The following MRGPRX1 variants were observed in gnomAD, a reference collection of about 807,000 sequenced individuals.
The protein encoded by MRGPRX1 is MAS related GPR family member X1, also known as mas-related G protein-coupled receptor member X1.
For synonymous variants in MRGPRX1, 208 were observed against 170.4 expected (o/e 1.22, Z -1.72); for missense variants, 411 against 393.8 (o/e 1.04, Z -0.37).
chr11:18,934,635 C>T lies in MRGPRX1; in HGVS notation c.150G>A (p.Trp50Ter). Residue 50 changes from tryptophan (W) to a stop codon, truncating the protein, a stop_gained, in exon 2 of 2, where the codon TGG becomes TGA. Coordinates refer to ENST00000526914, the MANE Select transcript of MRGPRX1 (RefSeq NM_001393578.1). LOFTEE classifies it low-confidence loss of function (END_TRUNC). ...VGLTGNAVVL[W>*]LLGCRMRRNA... ...TCCTGCGCATGCGGCAGCCCAGGAGCCAGAGCACAACTGCGTTTCCTGTCA... is the reference window on the plus strand; with the variant it reads ...TCCTGCGCATGCGGCAGCCCAGGAGTCAGAGCACAACTGCGTTTCCTGTCA... The T allele has an allele frequency of 4.3e-6, 7 of 1,610,744 alleles. No homozygotes were observed. Among genetic ancestry groups the T allele is most frequent in the Non-Finnish European group, 5.9e-6 (7 of 1,178,120 alleles).
intron 1 of MRGPRX1, among the ~76,000 whole-genome samples, chr11:18,937,369 A>G (rs11024886): frequency 0.37 from 54,399 of 148,640 alleles, 8,800 homozygotes; most frequent in South Asian, 0.41. Flanking sequence ...TCATTTCTGG[A>G]TATTCACAGG....
Position 18,934,296 on chromosome 11 carries a change from G to C in MRGPRX1, c.489C>G (p.Phe163Leu). 1 of 1,610,642 alleles carries C rather than the reference G, an allele frequency of 6.2e-7. No individual in the cohort carries two copies. Reference sequence around the variant, plus strand: ...AAGCAGAATCAGCACCACTGAACAGGAAGCCACATAACATCCACTCCAGGA... The same window carrying C: ...AAGCAGAATCAGCACCACTGAACAGCAAGCCACATAACATCCACTCCAGGA... ...RSILEWMLCG[F>L]LFSGADSAWC... Residue 163 changes from phenylalanine to leucine, a missense_variant, in exon 2 of 2, where the codon TTC becomes TTG. Phe to Leu is a conservative substitution (Grantham distance 22). Transcript: ENST00000526914.
chr11:18,934,046 C>A lies in MRGPRX1; in HGVS notation c.739G>T (p.Glu247Ter). 2.5e-6 allele frequency: 4 copies of A among 1,610,906 alleles called. No individual in the cohort carries two copies. In the Middle Eastern group the frequency reaches 6.6e-4, roughly 266 times the overall value. ...FLFLWIHVDR[E>*]VLFCHVHLVS... The stretch of plus-strand genomic sequence containing the variant: ...AGATGAACATGACAAAATAAGACTT[C>A]CCTGTCCACGTGGATCCATAAAAAT... Residue 247 changes from glutamate (E) to a stop codon, truncating the protein, a stop_gained, in exon 2 of 2, where the codon GAA (glutamate) becomes TAA (stop). Transcript: ENST00000526914. LOFTEE classifies it low-confidence loss of function (END_TRUNC).
Position 18,935,161 on chromosome 11 carries a change from G to T in MRGPRX1, c.-25-352C>A, listed in dbSNP as rs189930419. The T allele has an allele frequency of 1.3e-3, 265 of 199,496 alleles. 4 individuals carry two copies. The highest frequency in any genetic ancestry group is 5.9e-3 in the African/African-American group (256 of 43,204). The allele number at this position is 199,496 out of a possible 1,614,324, so 12.4% of individuals were successfully genotyped here. ...AATTCAGGTATGCAAAGAGGTGGTT[G>T]TGACACCCTCATGACCAGGACTGAT... On this transcript the variant is annotated intron_variant, in intron 1 of 1. Transcript: ENST00000526914.
Position 18,934,358 on chromosome 11 carries a change from A to G in MRGPRX1, c.427T>C (p.Cys143Arg), listed in dbSNP as rs1193204740. The change falls in exon 2 of 2, where the codon TGT (cysteine) becomes CGT (arginine). Residue 143 changes from cysteine to arginine, a missense_variant. Cys to Arg is a radical substitution (Grantham distance 180, BLOSUM62 -3). Transcript: ENST00000526914. Reference sequence around the variant, plus strand: ...AGGGACAGGGCCCAGAGCAGGACACACACCACCGCTGACAGGTGTGTGGGG... The same window carrying G: ...AGGGACAGGGCCCAGAGCAGGACACGCACCACCGCTGACAGGTGTGTGGGG... ...HRPTHLSAVV[C>R]VLLWALSLLR... 1.2e-6 allele frequency: 2 copies of G among 1,610,704 alleles called. No individual in the cohort carries two copies. The highest frequency in any genetic ancestry group is 3.4e-5 in the Admixed American group (2 of 59,414).
rs1432455829 is a variant in MRGPRX1 at position 18,934,826 on chromosome 11, G to T, written c.-25-17C>A. The T allele has an allele frequency of 6.6e-7, 1 of 1,525,556 alleles. No individual in the cohort carries two copies. Among genetic ancestry groups the T allele is most frequent in the Admixed American group, 2.1e-5 (1 of 47,148 alleles). 94.5% of individuals were successfully genotyped at this position (1,525,556 alleles called of 1,614,324 possible). A position where few individuals can be genotyped will look rare whatever the true frequency, so the allele number is the denominator to read the frequency against. ...CTGGTGACCCTGGAAACAGAAACCAGTTGTGATCACCAGCTGTATGATCTC... is the reference window on the plus strand; with the variant it reads ...CTGGTGACCCTGGAAACAGAAACCATTTGTGATCACCAGCTGTATGATCTC... On this transcript the variant is annotated splice_polypyrimidine_tract_variant and intron_variant, in intron 1 of 1. Transcript: ENST00000526914.
chr11:18,935,604 G>A (rs1337628631), intron 1 of MRGPRX1, among the ~76,000 whole-genome samples: 2 of 151,448 alleles, frequency 1.3e-5, no homozygotes, highest in Non-Finnish European at 2.9e-5. Flanking sequence ...CCACTGATGT[G>A]CCTTTAAAAT....
Position 18,934,343 on chromosome 11 carries a change from C to T in MRGPRX1, c.442G>A (p.Ala148Thr), listed in dbSNP as rs1848819294. Reference sequence around the variant, plus strand: ...AGGATGCTCCGCAGCAGGGACAGGGCCCAGAGCAGGACACACACCACCGCT... The same window carrying T: ...AGGATGCTCCGCAGCAGGGACAGGGTCCAGAGCAGGACACACACCACCGCT... ...LSAVVCVLLWALSLLRSILEW... is the reference protein window; with the variant it reads ...LSAVVCVLLWTLSLLRSILEW... The change falls in exon 2 of 2, where the codon GCC becomes ACC. Residue 148 changes from alanine to threonine, a missense_variant. Transcript: ENST00000526914. 14 of 1,610,746 alleles carry T rather than the reference C, an allele frequency of 8.7e-6. No homozygotes were observed. The highest frequency in any genetic ancestry group is 1.2e-5 in the Non-Finnish European group (14 of 1,178,200).
rs1176768272 is a variant in MRGPRX1, at chr11:18,933,934, C to T, written c.851G>A (p.Arg284Lys). The T allele has an allele frequency of 3.1e-6, 5 of 1,610,812 alleles. No individual in the cohort carries two copies. The South Asian group carries it at 4.4e-5, about 14-fold the overall frequency. ...FVGSFRQRQN[R>K]QNLKLVLQRA... is the part of the protein sequence containing the mutation. ...CTGGAGAACCAGCTTCAGGTTCTGC[C>T]TATTTTGACGCTGCCTAAAGGAGCC... Residue 284 changes from arginine to lysine, a missense_variant, in exon 2 of 2, where the codon AGG becomes AAG. By Grantham distance (26) the Arg-to-Lys change is conservative. Transcript: ENST00000526914.
At position 18,933,640 on chromosome 11, in the gene MRGPRX1, A is replaced by G. The variant is rs1848808491; in HGVS notation, c.*176T>C. 6.6e-6 allele frequency among the ~76,000 whole-genome samples: 1 copy of G among 151,560 alleles called. No homozygotes were observed. Among genetic ancestry groups the G allele is most frequent in the African/African-American group, 2.4e-5 (1 of 41,320 alleles). ...ATCTAAACATTGTACTGTCAGACTA[A>G]TGCTTTCCATGGGTGAAAACCGCAA... is the stretch of plus-strand genomic sequence containing the variant. On this transcript the variant is annotated 3_prime_UTR_variant, in exon 2 of 2. Transcript: ENST00000526914.
At chr11:18,936,199 C>T (rs1434532536) in intron 1 of MRGPRX1, among the ~76,000 whole-genome samples, 3 of 151,078 alleles carry the variant, frequency 2.0e-5, no homozygotes, top group African/African-American at 7.3e-5. Flanking sequence ...CAGCCCTTTA[C>T]ACCCAGCACG....
intron 1 of MRGPRX1, 92 bp from the exon 2 acceptor site, chr11:18,934,901 AG>A: frequency 7.4e-7 from 1 of 1,346,106 alleles, no homozygotes; most frequent in Non-Finnish European, 1.0e-6. Context: ...TCATTTAAAG[AG>A]GGCAGATCAG....
At chr11:18,938,643 C>A (rs1261866320) in intron 1 of MRGPRX1, among the ~76,000 whole-genome samples, 1 of 151,494 alleles carries the variant, frequency 6.6e-6, no homozygotes, top group Non-Finnish European at 1.5e-5. Flanking sequence ...CCGTGCAAGG[C>A]TTCTCCACCT....
chr11:18,935,319 C>T (rs1026559055), intron 1 of MRGPRX1: 2 of 153,732 alleles, frequency 1.3e-5, no homozygotes, highest in Admixed American at 6.5e-5. Flanking sequence ...CAGACAGGAC[C>T]ACATTTTACA....
chr11:18,936,597 G>C (rs981605946), intron 1 of MRGPRX1, among the ~76,000 whole-genome samples: 1 of 151,216 alleles, frequency 6.6e-6, no homozygotes, highest in Non-Finnish European at 1.5e-5. Context: ...AAAAGGAAAT[G>C]GGAGGAAAAG....
At position 18,934,543 on chromosome 11, in the gene MRGPRX1, A is replaced by T; in HGVS notation, c.242T>A (p.Ile81Lys). ...ADFLFLSGRL[I>K]YSLLSFISIP... ...ACTGATGAAGCTTAACAGGGAATAT[A>T]TAAGGCGGCCGCTGAGGAAGAGGAA... Residue 81 changes from isoleucine (I) to lysine (K), a missense_variant, in exon 2 of 2, where the codon ATA becomes AAA. Physicochemically the swap from Ile to Lys is moderately radical, Grantham distance 102 (BLOSUM62 -3). Coordinates refer to ENST00000526914, the MANE Select transcript of MRGPRX1 (RefSeq NM_001393578.1). 1 of 1,610,194 alleles carries T rather than the reference A, an allele frequency of 6.2e-7. No individual in the cohort carries two copies. The highest frequency in any genetic ancestry group is 8.5e-7 in the Non-Finnish European group (1 of 1,177,876).
chr11:18,935,179 G>C, intron 1 of MRGPRX1: 1 of 185,356 alleles, frequency 5.4e-6, no homozygotes, highest in Non-Finnish European at 1.1e-5. Flanking sequence ...CTCATGACCA[G>C]GACTGATCAT....
intron 1 of MRGPRX1, among the ~76,000 whole-genome samples, chr11:18,936,096 C>T (rs1461322544): frequency 6.6e-6 from 1 of 151,284 alleles, no homozygotes; most frequent in Non-Finnish European, 1.5e-5. Flanking sequence ...TCAGATAATG[C>T]ATTGGAACAC....
intron 1 of MRGPRX1, among the ~76,000 whole-genome samples, chr11:18,938,424 A>G (rs1848857562): frequency 2.6e-5 from 4 of 151,604 alleles, no homozygotes; most frequent in African/African-American, 7.2e-5. Flanking sequence ...GAGGTGCTAC[A>G]CACTTTTAAA....
Sources: allele counts gnomAD v4.1 joint callset (sites outside exome capture counted in the v4.1 genomes callset), GRCh38; gene constraint gnomAD v4.1.1; transcripts MANE v1.5; gene names NCBI Gene and HGNC (gene_info 2026-07-23, HGNC 2026-07-21).